CSPP1: variants seen among roughly 807,000 people sequenced by gnomAD.
CSPP1 encodes the protein centrosome and spindle pole-associated protein 1.
A neutral mutation model predicts 164.4 loss-of-function variants in CSPP1; 126 were observed. That is an observed-to-expected ratio of 0.77 (90% CI 0.66 to 0.89). The LOEUF (loss-of-function observed/expected upper bound fraction) is 0.89. Ranked by LOEUF, CSPP1 falls within the 40% of genes least tolerant of loss-of-function variation. The pLI is 0.00. For missense variants in CSPP1, 1,395 were observed against 1,449.8 expected (o/e 0.96, Z 0.61); for synonymous variants, 472 against 476.7 (o/e 0.99, Z 0.13).
chr8:67,070,440 G>A (rs927841775), intron 1 of CSPP1, among the ~76,000 whole-genome samples: 2 of 148,810 alleles, frequency 1.3e-5, no homozygotes, highest in Admixed American at 1.3e-4. Flanking sequence ...TCCAGCCTAG[G>A]TGACAGAGCG....
intron 13 of CSPP1, among the ~76,000 whole-genome samples, chr8:67,117,498 A>G (rs747515128): frequency 1.3e-5 from 2 of 152,224 alleles, no homozygotes; most frequent in Non-Finnish European, 2.9e-5. Context: ...AGCAATACAG[A>G]GATATTTCCT....
intron 15 of CSPP1, among the ~76,000 whole-genome samples, chr8:67,131,235 A>G (rs1821171021): frequency 6.6e-6 from 1 of 152,144 alleles, no homozygotes. Flanking sequence ...TCTCTAAAAA[A>G]AGTGAGCCAT....
intron 26 of CSPP1, among the ~76,000 whole-genome samples, chr8:67,175,993 T>C (rs1406454380): frequency 3.9e-5 from 6 of 152,098 alleles, no homozygotes; most frequent in Admixed American, 1.3e-4. Context: ...GCTGCTGCTC[T>C]TGAGGAGGTT....
At chr8:67,181,761 CACT>C (rs756252150) in intron 28 of CSPP1, among the ~76,000 whole-genome samples, 1 of 152,226 alleles carries the variant, frequency 6.6e-6, no homozygotes, top group Non-Finnish European at 1.5e-5. Context: ...GTGCAACCAC[CACT>C]ATCATCCATC....
rs1837986077 is a variant in CSPP1, at chr8:67,196,593, A to AATT, written c.*1002_*1004dup. ...AGACAATATCAGACAAATTTGCCAC[A>AATT]ATTAAATTACTGATATTTTGAGTTT... On this transcript the variant is annotated 3_prime_UTR_variant, in exon 31 of 31. Coordinates refer to ENST00000678616, the MANE Select transcript of CSPP1 (RefSeq NM_001382391.1). Among the ~76,000 whole-genome samples the AATT allele has an allele frequency of 6.6e-6, 1 of 152,166 alleles. No homozygotes were observed. The highest frequency in any genetic ancestry group is 6.5e-5 in the Admixed American group (1 of 15,284).
intron 21 of CSPP1, among the ~76,000 whole-genome samples, chr8:67,160,392 G>C (rs946602453): frequency 6.0e-5 from 9 of 151,118 alleles, no homozygotes; most frequent in African/African-American, 2.2e-4. Flanking sequence ...CTGAACTTGG[G>C]AGGCGGAGGT....
Position 67,088,788 on chromosome 8 carries a change from T to TA in CSPP1, c.303+2678_303+2679insA, listed in dbSNP as rs879300062. On this transcript the variant is annotated intron_variant, in intron 4 of 30. Transcript: ENST00000678616. ...GGCAGGCGCCTGTAGTCCCAGCTAC[T>TA]CGGGAGGCTGAGGCAGGAGAATGGC... is the stretch of plus-strand genomic sequence containing the variant. 4.4e-4 allele frequency among the ~76,000 whole-genome samples: 66 copies of TA among 151,060 alleles called. No homozygotes were observed. In the East Asian group the frequency reaches 0.013, roughly 30 times the overall value.
intron 10 of CSPP1, among the ~76,000 whole-genome samples, 169 bp downstream of exon 10, chr8:67,112,234 GTT>G (rs375921547): frequency 1.5e-4 from 18 of 123,046 alleles, no homozygotes; most frequent in East Asian, 2.5e-4. Flanking sequence ...TACTAAGAGA[GTT>G]TTTTTTTTTT....
At chr8:67,113,103 G>C (rs1332861162) in intron 10 of CSPP1, among the ~76,000 whole-genome samples, 2 of 152,092 alleles carry the variant, frequency 1.3e-5, no homozygotes, top group African/African-American at 2.4e-5. Context: ...AAATTAGCCG[G>C]GCGTGGTGGC....
chr8:67,071,087 C>T (rs757655449), intron 1 of CSPP1, among the ~76,000 whole-genome samples: 1 of 152,078 alleles, frequency 6.6e-6, no homozygotes, highest in Non-Finnish European at 1.5e-5. Flanking sequence ...TTTCTTTTGG[C>T]ATTACATAAT....
At chr8:67,161,753 A>G (rs546557384) in intron 21 of CSPP1, 58 bp from the exon 22 acceptor site, 121 of 860,522 alleles carry the variant, frequency 1.4e-4, no homozygotes, top group African/African-American at 8.9e-4. Context: ...GTGTGTGTGT[A>G]TATATGTGTG....
intron 28 of CSPP1, among the ~76,000 whole-genome samples, chr8:67,188,805 G>A (rs1835397608): frequency 6.6e-6 from 1 of 152,196 alleles, no homozygotes; most frequent in Non-Finnish European, 1.5e-5. Flanking sequence ...TTCCTGCACG[G>A]CTAAGTGCCC....
chr8:67,157,687 T>C (rs1327894606), intron 19 of CSPP1: 1 of 152,246 alleles, frequency 6.6e-6, no homozygotes, highest in East Asian at 1.9e-4. Flanking sequence ...AATCTGTTGA[T>C]AACTTTAAAC....
chr8:67,144,865 G>C (rs140212648), intron 17 of CSPP1, among the ~76,000 whole-genome samples: 1 of 150,956 alleles, frequency 6.6e-6, no homozygotes, highest in African/African-American at 2.4e-5. Context: ...TCAAGAGATC[G>C]AGACCATTTT....
At chr8:67,069,401 C>T (rs2129539955) in intron 1 of CSPP1, among the ~76,000 whole-genome samples, 1 of 151,980 alleles carries the variant, frequency 6.6e-6, no homozygotes, top group African/African-American at 2.4e-5. Flanking sequence ...TTTATTTGTA[C>T]TTTTTGTACT....
At chr8:67,072,651 T>G (rs1807058003) in intron 1 of CSPP1, among the ~76,000 whole-genome samples, 1 of 150,836 alleles carries the variant, frequency 6.6e-6, no homozygotes, top group African/African-American at 2.4e-5. Context: ...TGAGCTATGA[T>G]CATACCACTC....
intron 10 of CSPP1, among the ~76,000 whole-genome samples, chr8:67,112,757 T>G (rs1488402604): frequency 5.3e-5 from 8 of 152,198 alleles, no homozygotes; most frequent in Non-Finnish European, 5.9e-5. Flanking sequence ...TAATATTAAC[T>G]GTCAAAAAAT....
At chr8:67,146,546 T>C (rs1824602002) in intron 17 of CSPP1, among the ~76,000 whole-genome samples, 1 of 152,232 alleles carries the variant, frequency 6.6e-6, no homozygotes. Context: ...AATTTTGATA[T>C]ATGTATTGTT....
intron 1 of CSPP1, among the ~76,000 whole-genome samples, chr8:67,065,107 A>G (rs1236844683): frequency 1.3e-5 from 2 of 152,130 alleles, no homozygotes; most frequent in African/African-American, 2.4e-5. Flanking sequence ...TGTTATTGTT[A>G]ACGTGGGAGC....
Sources: allele counts gnomAD v4.1 joint callset (sites outside exome capture counted in the v4.1 genomes callset), GRCh38; gene constraint gnomAD v4.1.1; transcripts MANE v1.5; gene names NCBI Gene and HGNC (gene_info 2026-07-23, HGNC 2026-07-21).